The following PIAS1 variants were observed in gnomAD, a reference collection of about 807,000 sequenced individuals.
PIAS1 encodes the protein E3 SUMO-protein ligase PIAS1.
A neutral mutation model predicts 71.3 loss-of-function variants in PIAS1; 6 were observed. The ratio of observed to expected loss-of-function variants is 0.08; its 90% CI spans 0.05 to 0.17. PIAS1 has a LOEUF of 0.17. Among genes scored for constraint, PIAS1 ranks in the 10% least tolerant of loss-of-function variants. The probability of loss-of-function intolerance (pLI) is 1.00; values close to 1 mark genes in which losing one functional copy is unlikely to be tolerated. For synonymous variants in PIAS1, 303 were observed against 292.9 expected (o/e 1.03, Z -0.35); for missense variants, 555 against 793.6 (o/e 0.70, Z 3.61).
intron 2 of PIAS1, among the ~76,000 whole-genome samples, chr15:68,125,890 G>A (rs548308709): frequency 6.7e-4 from 102 of 152,216 alleles, no homozygotes; most frequent in Non-Finnish European, 1.2e-3. Context: ...TGTAGAGACA[G>A]GTTTGCTATG....
intron 2 of PIAS1, among the ~76,000 whole-genome samples, chr15:68,088,817 G>A (rs1033896937): frequency 1.3e-5 from 2 of 152,100 alleles, no homozygotes; most frequent in African/African-American, 4.8e-5. Flanking sequence ...TTCATTAAAT[G>A]AAGTGGCTAC....
chr15:68,175,923 ACTC>A (rs1429478605), intron 10 of PIAS1, among the ~76,000 whole-genome samples, 156 bp downstream of exon 10: 2 of 152,246 alleles, frequency 1.3e-5, no homozygotes, highest in South Asian at 2.1e-4. Flanking sequence ...AAGTAATAGA[ACTC>A]CTTTTAAATT....
intron 1 of PIAS1, among the ~76,000 whole-genome samples, chr15:68,067,860 T>C (rs1378909031): frequency 6.6e-6 from 1 of 152,166 alleles, no homozygotes; most frequent in African/African-American, 2.4e-5. Flanking sequence ...CATCCTCTCT[T>C]CCCCATTTCT....
At chr15:68,068,466 T>G (rs2092054567) in intron 1 of PIAS1, among the ~76,000 whole-genome samples, 1 of 152,172 alleles carries the variant, frequency 6.6e-6, no homozygotes, top group Non-Finnish European at 1.5e-5. Flanking sequence ...AGTCTTTTTT[T>G]TTGAGACTGA....
At chr15:68,070,727 AAAT>A (rs1189521809) in intron 1 of PIAS1, among the ~76,000 whole-genome samples, 1 of 151,706 alleles carries the variant, frequency 6.6e-6, no homozygotes, top group Non-Finnish European at 1.5e-5. Context: ...TTGCATGTTG[AAAT>A]AATATTTTGT....
chr15:68,148,276 T>C (rs967508311), intron 6 of PIAS1, among the ~76,000 whole-genome samples: 2 of 152,076 alleles, frequency 1.3e-5, no homozygotes, highest in African/African-American at 4.8e-5. Flanking sequence ...AGCCCAGTGG[T>C]AGGAGTGAGC....
At chr15:68,056,885 A>C (rs528391667) in intron 1 of PIAS1, among the ~76,000 whole-genome samples, 1 of 152,220 alleles carries the variant, frequency 6.6e-6, no homozygotes, top group African/African-American at 2.4e-5. Flanking sequence ...AATATCATAC[A>C]TTCCTAATAT....
rs1040197553 is a variant in PIAS1, at chr15:68,167,077, T to G, written c.1008+2273T>G. Among the ~76,000 whole-genome samples the G allele has an allele frequency of 4.6e-5, 7 of 152,322 alleles. No individual in the cohort carries two copies. In the Middle Eastern group the frequency reaches 0.01, roughly 222 times the overall value. ...CCTGGCCTCAAGCAATCCTCCTGCC[T>G]TGGCCTCCCTTGGGATTACAGGCGT... On this transcript the variant is annotated intron_variant, in intron 8 of 13. Transcript: ENST00000249636. The surrounding 1 kb of genome is among the most constrained non-coding windows in gnomAD (Gnocchi z 4.4).
chr15:68,055,134 A>G (rs549080912), intron 1 of PIAS1: 1 of 891,050 alleles, frequency 1.1e-6, no homozygotes, highest in East Asian at 1.2e-4. Context: ...GGATGCAGCT[A>G]CCTCTCTCCC....
In PIAS1 at chr15:68,086,717, T is replaced by A. The variant is rs2059968941; in HGVS notation, c.436T>A (p.Leu146Ile). The change falls in exon 2 of 14, where the codon TTA (leucine) becomes ATA (isoleucine). Residue 146 changes from leucine (L) to isoleucine (I), a missense_variant. Coordinates refer to ENST00000249636, the MANE Select transcript of PIAS1 (RefSeq NM_016166.3). This position sits in a 1 kb window ranked among gnomAD's most constrained non-coding sequence, Gnocchi z 7.2. ...IKLQKLPFYDLLDELIKPTSL... is the reference protein window; with the variant it reads ...IKLQKLPFYDILDELIKPTSL... ...ACTTCAAAAATTACCATTTTATGAT[T>A]TACTGGATGAACTGATAAAACCCAC... is the stretch of plus-strand genomic sequence containing the variant. The A allele has an allele frequency of 6.2e-7, 1 of 1,612,512 alleles. No homozygotes were observed.
At chr15:68,094,920 C>T (rs1482504123) in intron 2 of PIAS1, among the ~76,000 whole-genome samples, 2 of 152,122 alleles carry the variant, frequency 1.3e-5, no homozygotes, top group Non-Finnish European at 2.9e-5. Flanking sequence ...GTCTTTTTAT[C>T]TGGTGATTTT....
At chr15:68,161,442 T>C (rs1025618661) in intron 7 of PIAS1, among the ~76,000 whole-genome samples, 2 of 151,134 alleles carry the variant, frequency 1.3e-5, no homozygotes, top group Non-Finnish European at 2.9e-5. Context: ...TTTACAAGAA[T>C]AAAAGGACTA....
Position 68,184,002 on chromosome 15 carries a change from C to CT in PIAS1, c.1662+348dup, listed in dbSNP as rs550803946. ...ATTGTTATTTTAGAGTGTACCTCTA[C>CT]TTTTTTTTTTTTTAAGTTTGCTGTA... On this transcript the variant is annotated intron_variant, in intron 13 of 13. Transcript: ENST00000249636. The CT allele has an allele frequency of 7.4e-3, 1,128 of 152,692 alleles. 5 individuals are homozygous for CT. Among genetic ancestry groups the CT allele is most frequent in the South Asian group, 0.018 (90 of 5,140 alleles). The allele number at this position is 152,692 out of a possible 1,614,324, so 9.5% of individuals were successfully genotyped here.
chr15:68,058,201 A>G (rs1429527859), intron 1 of PIAS1, among the ~76,000 whole-genome samples: 2 of 152,248 alleles, frequency 1.3e-5, no homozygotes, highest in Non-Finnish European at 2.9e-5. Flanking sequence ...TCAAAACAAC[A>G]ACCAAAAACG....
chr15:68,110,398 C>T (rs889820354), intron 2 of PIAS1, among the ~76,000 whole-genome samples: 1 of 152,024 alleles, frequency 6.6e-6, no homozygotes, highest in Admixed American at 6.6e-5. Context: ...GAGTTCGAGA[C>T]CAGCCCAGCC....
intron 1 of PIAS1, among the ~76,000 whole-genome samples, chr15:68,075,867 G>A (rs934068168): frequency 6.0e-5 from 9 of 149,114 alleles, no homozygotes; most frequent in Admixed American, 1.3e-4. Context: ...CTACAACCTC[G>A]GCCCCCCGGG....
intron 1 of PIAS1, among the ~76,000 whole-genome samples, chr15:68,062,319 G>C (rs996208340): frequency 2.0e-5 from 3 of 152,150 alleles, no homozygotes; most frequent in Non-Finnish European, 2.9e-5. Context: ...GTGTATATCT[G>C]TGTATTCTTA....
At chr15:68,135,528 TG>T (rs2092725078) in intron 2 of PIAS1, among the ~76,000 whole-genome samples, 1 of 41,662 alleles carries the variant, frequency 2.4e-5, no homozygotes, top group African/African-American at 5.4e-5. Flanking sequence ...ACGGGGCGGC[TG>T]GCCGGGCAGA....
chr15:68,059,562 T>C (rs1238068740), intron 1 of PIAS1, among the ~76,000 whole-genome samples: 2 of 151,354 alleles, frequency 1.3e-5, no homozygotes, highest in East Asian at 3.9e-4. Context: ...ATACAAAAAA[T>C]TAGCTGGGCG....
Sources: allele counts gnomAD v4.1 joint callset (sites outside exome capture counted in the v4.1 genomes callset), GRCh38; gene constraint gnomAD v4.1.1; non-coding constraint Gnocchi (gnomAD v3.1); transcripts MANE v1.5; gene names NCBI Gene and HGNC (gene_info 2026-07-23, HGNC 2026-07-21).